The following EP400 variants were observed in gnomAD, a reference collection of about 807,000 sequenced individuals.
EP400 encodes E1A binding protein p400.
In EP400, 105 loss-of-function variants were observed where a neutral mutation model predicts 354.1. That is an observed-to-expected ratio of 0.30 (90% CI 0.25 to 0.35). The LOEUF is 0.35. Among genes scored for constraint, EP400 ranks in the 10% least tolerant of loss-of-function variants. The pLI, the probability that EP400 is intolerant of heterozygous loss-of-function variation, is 1.00. For missense variants in EP400, 3,280 were observed against 4,121.0 expected (o/e 0.80, Z 5.59); for synonymous variants, 1,646 against 1,716.9 (o/e 0.96, Z 1.02).
Position 131,982,223 on chromosome 12 carries a change from C to T in EP400, c.1674C>T (p.Pro558=), listed in dbSNP as rs879711692. 38 of 1,613,962 alleles carry T rather than the reference C, an allele frequency of 2.4e-5. No homozygotes were observed. The highest frequency in any genetic ancestry group is 1.6e-4 in the Middle Eastern group (1 of 6,062). Reference sequence around the variant, plus strand: ...TGCACACCCCACTGCCGCAGCTGCCCGGGAGGCTGCCCCCAGCCGGTGTTC... The same window carrying T: ...TGCACACCCCACTGCCGCAGCTGCCTGGGAGGCTGCCCCCAGCCGGTGTTC... ...ASLHTPLPQL[P]GRLPPAGVPT... is the part of the protein sequence containing the mutation. Residue 558 remains proline, a synonymous_variant, in exon 5 of 53, where the codon CCC becomes CCT. Transcript: ENST00000389561.
intron 9 of EP400, among the ~76,000 whole-genome samples, chr12:131,991,077 T>C (rs952332514): frequency 1.3e-5 from 2 of 152,192 alleles, no homozygotes; most frequent in African/African-American, 4.8e-5. Context: ...CCGCTCGTTA[T>C]GTGCCACTCC....
At chr12:132,019,996 C>T (rs935041388) in intron 21 of EP400, 53 bp from the exon 22 acceptor site, 19 of 1,452,914 alleles carry the variant, frequency 1.3e-5, no homozygotes, top group Non-Finnish European at 1.6e-5. Flanking sequence ...GTGGCCTGTC[C>T]TCTCTGTGGT....
At chr12:132,073,011 C>T (rs1008405627) in intron 51 of EP400, among the ~76,000 whole-genome samples, 1 of 152,040 alleles carries the variant, frequency 6.6e-6, no homozygotes, top group African/African-American at 2.4e-5. Context: ...TCTGTGTGTC[C>T]CTCGTCACCT....
chr12:131,964,458 C>T (rs1008765404), intron 2 of EP400, among the ~76,000 whole-genome samples: 3 of 152,142 alleles, frequency 2.0e-5, no homozygotes, highest in African/African-American at 7.2e-5. Flanking sequence ...TAGAGCAGGA[C>T]TCCGTCTCAA....
At position 132,055,183 on chromosome 12, in the gene EP400, C is replaced by T. The variant is rs1381049267; in HGVS notation, c.7859C>T (p.Ser2620Leu). ...TFQSINKRLASPVAPGALTTP... is the reference protein window; with the variant it reads ...TFQSINKRLALPVAPGALTTP... ...CAGTCCATCAACAAGCGCCTGGCGT[C>T]GCCAGTGGCTCCTGGGGCCTTGACT... Residue 2620 changes from serine (S) to leucine (L), a missense_variant, in exon 45 of 53, where the codon TCG becomes TTG. Around this residue, in one of 20 missense-constraint regions of EP400, gnomAD observed 255 missense variants for 295.9 expected, o/e 0.86. Transcript: ENST00000389561. The T allele has an allele frequency of 3.2e-6, 5 of 1,576,508 alleles. No homozygotes were observed. The highest frequency in any genetic ancestry group is 1.1e-5 in the South Asian group (1 of 87,394).
chr12:132,043,875 T>C (rs760002082), intron 34 of EP400, 147 bp downstream of exon 34: 5 of 843,392 alleles, frequency 5.9e-6, no homozygotes, highest in Non-Finnish European at 9.2e-6. Context: ...GAAGAGAGTC[T>C]CGAGAAGCCC....
chr12:132,029,612 C>G lies in EP400; in HGVS notation c.5382-89C>G, dbSNP rs1470554184. The G allele has an allele frequency of 7.0e-7, 1 of 1,421,592 alleles. No homozygotes were observed. 88.1% of individuals were successfully genotyped at this position (1,421,592 alleles called of 1,614,324 possible). A position where few individuals can be genotyped will look rare whatever the true frequency, so the allele number is the denominator to read the frequency against. On this transcript the variant is annotated intron_variant, in intron 27 of 52. Coordinates refer to ENST00000389561, the MANE Select transcript of EP400 (RefSeq NM_015409.5). This position sits in a 1 kb window ranked among gnomAD's most constrained non-coding sequence, Gnocchi z 4.7. Reference sequence around the variant, plus strand: ...TGCTGTTTCCTGGGACTTGGACTGTCAGAAGTCTGCCCCATCTTTCAGGAG... The same window carrying G: ...TGCTGTTTCCTGGGACTTGGACTGTGAGAAGTCTGCCCCATCTTTCAGGAG...
At chr12:131,958,084 G>T (rs1027965713) in intron 1 of EP400, among the ~76,000 whole-genome samples, 3 of 152,142 alleles carry the variant, frequency 2.0e-5, no homozygotes, top group Non-Finnish European at 4.4e-5. Context: ...TTGACACTCT[G>T]GGAATGTATT....
intron 15 of EP400, among the ~76,000 whole-genome samples, chr12:132,009,830 ATTTTTT>A (rs35513772): frequency 1.1e-3 from 90 of 79,722 alleles, no homozygotes; most frequent in African/African-American, 5.3e-3. Context: ...CGCCTGGCTA[ATTTTTT>A]TTTTTTTTTT....
At chr12:132,035,946 TCA>T (rs372466980) in intron 30 of EP400, among the ~76,000 whole-genome samples, 70 of 129,892 alleles carry the variant, frequency 5.4e-4, no homozygotes, top group African/African-American at 2.1e-3. Flanking sequence ...ACACCCAGGT[TCA>T]CACACACAGC....
At chr12:131,975,166 C>T (rs917705607) in intron 2 of EP400, among the ~76,000 whole-genome samples, 1 of 152,118 alleles carries the variant, frequency 6.6e-6, no homozygotes, top group African/African-American at 2.4e-5. Flanking sequence ...CCTGAGTCCT[C>T]TGGGAAGCAG....
In EP400 at chr12:132,054,861, G is replaced by T; in HGVS notation, c.7729-113G>T. ...GCTGGGGAGGATGGGACAGGTGGCTGTGTGAATGTCGTGGAGTTTGGATTT... is the reference window on the plus strand; with the variant it reads ...GCTGGGGAGGATGGGACAGGTGGCTTTGTGAATGTCGTGGAGTTTGGATTT... On this transcript the variant is annotated intron_variant, in intron 43 of 52. Coordinates refer to ENST00000389561, the MANE Select transcript of EP400 (RefSeq NM_015409.5). This position sits in a 1 kb window ranked among gnomAD's most constrained non-coding sequence, Gnocchi z 4.0. 1 of 1,100,474 alleles carries T rather than the reference G, an allele frequency of 9.1e-7. No individual in the cohort carries two copies. The highest frequency in any genetic ancestry group is 2.4e-5 in the East Asian group (1 of 42,518). 68.2% of individuals were successfully genotyped at this position (1,100,474 alleles called of 1,614,324 possible).
intron 6 of EP400, 107 bp downstream of exon 6, chr12:131,986,914 G>A (rs1394659384): frequency 1.9e-5 from 26 of 1,335,162 alleles, no homozygotes. Context: ...GGTCAATTCA[G>A]CATGGCTTGG....
intron 2 of EP400, 92 bp downstream of exon 2, chr12:131,962,046 C>A (rs372470798): frequency 1.4e-4 from 196 of 1,424,380 alleles, no homozygotes; most frequent in Non-Finnish European, 1.7e-4. Context: ...ATTGAGCCTG[C>A]GGTATTTCTA....
chr12:131,954,581 C>T (rs773379907), intron 1 of EP400, among the ~76,000 whole-genome samples: 11 of 151,790 alleles, frequency 7.2e-5, no homozygotes, highest in East Asian at 3.9e-4. Context: ...AAAAATTGGC[C>T]GGGCGTGGTG....
In EP400 at chr12:132,067,369, C is replaced by G. The variant is rs372302701; in HGVS notation, c.8757C>G (p.Thr2919=). The part of the protein sequence containing the change: ...IGQPQKAAGQ[T]VVAQPVHMQQ... ...GGCTTTTGCTGCCTGCAGGACAGACCGTGGTGGCCCAGCCCGTGCACATGC... is the reference window on the plus strand; with the variant it reads ...GGCTTTTGCTGCCTGCAGGACAGACGGTGGTGGCCCAGCCCGTGCACATGC... The change falls in exon 50 of 53, where the codon ACC becomes ACG. Residue 2919 remains threonine (T), a synonymous_variant. Coordinates refer to ENST00000389561, the MANE Select transcript of EP400 (RefSeq NM_015409.5). The surrounding 1 kb of genome is among the most constrained non-coding windows in gnomAD (Gnocchi z 5.3). The G allele has an allele frequency of 8.4e-5, 135 of 1,613,224 alleles. No individual in the cohort carries two copies. Among genetic ancestry groups the G allele is most frequent in the Non-Finnish European group, 9.7e-5 (115 of 1,179,988 alleles).
rs1894784603 is a variant in EP400, at chr12:132,038,361, G to C, written c.6207+265G>C. ...TCGCTGCCGTCTTCATCTGCACTTT[G>C]CCACAGTCTCAGCTCCTTCCCCTCC... On this transcript the variant is annotated intron_variant, in intron 32 of 52. Transcript: ENST00000389561. The surrounding 1 kb of genome is among the most constrained non-coding windows in gnomAD (Gnocchi z 4.2). Among the ~76,000 whole-genome samples, 1 of 152,212 alleles carries C rather than the reference G, an allele frequency of 6.6e-6. No homozygotes were observed. The highest frequency in any genetic ancestry group is 2.4e-5 in the African/African-American group (1 of 41,460).
rs1893005756 is a variant in EP400 at position 131,990,734 on chromosome 12, G to C, written c.2629+20G>C. Reference sequence around the variant, plus strand: ...GGAGAGGTAGGACCCTTTAAAAAAAGGCTCACCACGCTTGGGTGGTATTTT... The same window carrying C: ...GGAGAGGTAGGACCCTTTAAAAAAACGCTCACCACGCTTGGGTGGTATTTT... On this transcript the variant is annotated intron_variant, in intron 9 of 52. Coordinates refer to ENST00000389561, the MANE Select transcript of EP400 (RefSeq NM_015409.5). The surrounding 1 kb of genome is among the most constrained non-coding windows in gnomAD (Gnocchi z 4.2). 1 of 1,560,176 alleles carries C rather than the reference G, an allele frequency of 6.4e-7. No homozygotes were observed. The highest frequency in any genetic ancestry group is 8.8e-7 in the Non-Finnish European group (1 of 1,139,802).
rs921028509 is a variant in EP400, at chr12:132,032,300, A to G, written c.5951+151A>G. On this transcript the variant is annotated intron_variant, in intron 30 of 52. Coordinates refer to ENST00000389561, the MANE Select transcript of EP400 (RefSeq NM_015409.5). ...AAGCACTAATGCAGAAACAAAAGGT[A>G]GCACTAAAGACAATGCATGATATCT... The G allele has an allele frequency of 5.9e-6, 5 of 844,414 alleles. No homozygotes were observed. In the African/African-American group the frequency reaches 6.9e-5, roughly 12 times the overall value. The allele number at this position is 844,414 out of a possible 1,614,324, so 52.3% of individuals were successfully genotyped here.
Sources: gnomAD v4.1 joint callset for allele counts (sites outside exome capture counted in the v4.1 genomes callset) on GRCh38, gnomAD v4.1.1 for gene constraint, gnomAD v4.1.1 regional missense constraint, Gnocchi (gnomAD v3.1) non-coding constraint, MANE v1.5 for transcripts, NCBI Gene and HGNC (gene_info 2026-07-23, HGNC 2026-07-21) for gene names.